SLC52A1: variants seen among roughly 807,000 people sequenced by gnomAD.
SLC52A1 encodes solute carrier family 52, riboflavin transporter, member 1.
Under a neutral mutation model 23.2 loss-of-function variants are expected in SLC52A1, and 20 were observed. The ratio of observed to expected loss-of-function variants is 0.86; its 90% CI spans 0.61 to 1.25. The LOEUF is 1.25. SLC52A1 is among the 50% of genes most tolerant of loss of function. SLC52A1 has a pLI of 0.00. For missense variants in SLC52A1, 528 were observed against 557.0 expected (o/e 0.95, Z 0.52); for synonymous variants, 260 against 256.6 (o/e 1.01, Z -0.13).
rs781402171 is a variant in SLC52A1 at position 5,033,801 on chromosome 17, C to T, written c.688G>A (p.Gly230Arg). The T allele has an allele frequency of 6.2e-7, 1 of 1,614,256 alleles. No homozygotes were observed. The highest frequency in any genetic ancestry group is 1.1e-5 in the South Asian group (1 of 91,090). The change falls in exon 3 of 5, where the codon GGG becomes AGG. Residue 230 changes from glycine (G) to arginine (R), a missense_variant. Gly to Arg is a moderately radical substitution (Grantham distance 125). Transcript: ENST00000254853. ...GGGGATCCCAGTTGAAGTTCAGGCC[C>T]TGAGCCCCCTGTGGTTACAGAGGGT... is the stretch of plus-strand genomic sequence containing the variant. ...SLPSVTTGGS[G>R]PELQLGSPGA...
chr17:5,037,098 A>G (rs2143447352), upstream of SLC52A1, among the ~76,000 whole-genome samples: 1 of 152,304 alleles, frequency 6.6e-6, no homozygotes, highest in Admixed American at 6.5e-5. Context: ...GCAATGAGCC[A>G]TGATTGTGCC....
In SLC52A1 at chr17:5,033,501, G is replaced by T. The variant is rs1180776216; in HGVS notation, c.988C>A (p.Leu330Met). ...CACCTGCACAGCACGCCCATGGCCA[G>T]GAAGCAGGCAAGGGGGTTGGCGGCA... The part of the protein sequence containing the change: ...GSAANPLACF[L>M]AMGVLCRSLA... The change falls in exon 3 of 5, where the codon CTG (leucine) becomes ATG (methionine). Residue 330 changes from leucine to methionine, a missense_variant. Physicochemically the swap from Leu to Met is conservative, Grantham distance 15. Coordinates refer to ENST00000254853, the MANE Select transcript of SLC52A1 (RefSeq NM_017986.4). 1 of 1,612,452 alleles carries T rather than the reference G, an allele frequency of 6.2e-7. No homozygotes were observed. Among genetic ancestry groups the T allele is most frequent in the African/African-American group, 1.3e-5 (1 of 75,040 alleles).
upstream of SLC52A1, among the ~76,000 whole-genome samples, chr17:5,038,851 C>G (rs899647153): frequency 1.3e-5 from 2 of 151,946 alleles, no homozygotes; most frequent in African/African-American, 4.8e-5. Flanking sequence ...GCCTCCCAAA[C>G]TGTTGCGATT....
intron 1 of SLC52A1, among the ~76,000 whole-genome samples, chr17:5,040,969 G>A (rs1432603173): frequency 6.6e-6 from 1 of 151,300 alleles, no homozygotes; most frequent in African/African-American, 2.4e-5. Context: ...CTAATTTTTT[G>A]TATTTTTAGT....
At chr17:5,040,496 G>A (rs1230076073) in intron 1 of SLC52A1, among the ~76,000 whole-genome samples, 1 of 152,116 alleles carries the variant, frequency 6.6e-6, no homozygotes, top group African/African-American at 2.4e-5. Context: ...TGCGTGGGGT[G>A]AGAGGACTAA....
chr17:5,039,323 T>TA (rs1266960382), upstream of SLC52A1, among the ~76,000 whole-genome samples: 458 of 136,304 alleles, frequency 3.4e-3, 1 homozygote, highest in Admixed American at 6.2e-3. Flanking sequence ...ACTCCATCTC[T>TA]AAAAAAAAAA....
intron 1 of SLC52A1, 36 bp from the exon 2 acceptor site, chr17:5,034,749 T>G: frequency 9.1e-7 from 1 of 1,098,206 alleles, no homozygotes; most frequent in Non-Finnish European, 1.2e-6. Context: ...GGTAATAGGC[T>G]GGTGGGACAG....
chr17:5,034,331 A>C lies in SLC52A1; in HGVS notation c.158T>G (p.Val53Gly). 6.3e-7 allele frequency: 1 copy of C among 1,587,122 alleles called. No homozygotes were observed. The highest frequency in any genetic ancestry group is 1.2e-5 in the South Asian group (1 of 86,498). The change falls in exon 3 of 5, where the codon GTG becomes GGG. Residue 53 changes from valine to glycine, a missense_variant. Val to Gly is a moderately radical substitution (Grantham distance 109). Transcript: ENST00000254853. ...EGWSLPSYLS[V>G]VVALGNLGLL... is the part of the protein sequence containing the mutation. Reference sequence around the variant, plus strand: ...ACCCAGGTTTCCCAGCGCCACAACCACAGAGAGGTATGAGGGGAGGCTCCA... The same window carrying C: ...ACCCAGGTTTCCCAGCGCCACAACCCCAGAGAGGTATGAGGGGAGGCTCCA...
In SLC52A1 at chr17:5,034,308, C is replaced by G. The variant is rs749566277; in HGVS notation, c.181G>C (p.Gly61Arg). The G allele has an allele frequency of 2.5e-6, 4 of 1,593,774 alleles. No homozygotes were observed. The highest frequency in any genetic ancestry group is 3.4e-6 in the Non-Finnish European group (4 of 1,170,198). Reference protein sequence around the residue: ...LSVVVALGNLGLLVVTLWRQL... With the variant: ...LSVVVALGNLRLLVVTLWRQL... The stretch of plus-strand genomic sequence containing the variant: ...CTCCACAGGGTCACCACCAGCAGAC[C>G]CAGGTTTCCCAGCGCCACAACCACA... The change falls in exon 3 of 5, where the codon GGT becomes CGT. Residue 61 changes from glycine to arginine, a missense_variant. By Grantham distance (125) the Gly-to-Arg change is moderately radical. Coordinates refer to ENST00000254853, the MANE Select transcript of SLC52A1 (RefSeq NM_017986.4).
At chr17:5,041,463 CTTTGT>C (rs990010701) in intron 1 of SLC52A1, among the ~76,000 whole-genome samples, 26 of 146,824 alleles carry the variant, frequency 1.8e-4, no homozygotes, top group Admixed American at 3.4e-4. Context: ...TTTTTTGTTT[CTTTGT>C]TTTGTTTTAT....
At position 5,034,666 on chromosome 17, in the gene SLC52A1, G is replaced by C; in HGVS notation, c.-60C>G. On this transcript the variant is annotated 5_prime_UTR_variant, in exon 2 of 5. Coordinates refer to ENST00000254853, the MANE Select transcript of SLC52A1 (RefSeq NM_017986.4). Reference sequence around the variant, plus strand: ...AGGTCACAGGCAGGTCCTTCCCTAGGTAGGTCCAAAGATGCTTTGGTTCTT... The same window carrying C: ...AGGTCACAGGCAGGTCCTTCCCTAGCTAGGTCCAAAGATGCTTTGGTTCTT... The C allele has an allele frequency of 6.2e-7, 1 of 1,600,422 alleles. No individual in the cohort carries two copies. Among genetic ancestry groups the C allele is most frequent in the Non-Finnish European group, 8.5e-7 (1 of 1,173,874 alleles).
chr17:5,037,102 T>C (rs536689795), upstream of SLC52A1, among the ~76,000 whole-genome samples: 4 of 152,250 alleles, frequency 2.6e-5, no homozygotes, highest in African/African-American at 9.6e-5. Context: ...TGAGCCATGA[T>C]TGTGCCAATG....
At chr17:5,038,744 A>G (rs965123190), upstream of SLC52A1, among the ~76,000 whole-genome samples, 112 of 151,232 alleles carry the variant, frequency 7.4e-4, no homozygotes, top group African/African-American at 1.6e-3. Context: ...CCACCACCAC[A>G]CCCGGCTAAT....
At chr17:5,039,534 T>C (rs1975520325), upstream of SLC52A1, among the ~76,000 whole-genome samples, 1 of 150,714 alleles carries the variant, frequency 6.6e-6, no homozygotes, top group Non-Finnish European at 1.5e-5. Flanking sequence ...GTGCAGTGTG[T>C]GATCTCGGCT....
chr17:5,042,173 G>A (rs1351397092), intron 1 of SLC52A1, among the ~76,000 whole-genome samples: 1 of 152,192 alleles, frequency 6.6e-6, no homozygotes, highest in African/African-American at 2.4e-5. Flanking sequence ...GATAGGGAGA[G>A]GGCGCACACA....
chr17:5,040,488 C>T (rs889136550), intron 1 of SLC52A1, among the ~76,000 whole-genome samples: 1 of 152,016 alleles, frequency 6.6e-6, no homozygotes, highest in African/African-American at 2.4e-5. Flanking sequence ...TTTGTTCTTG[C>T]GTGGGGTGAG....
chr17:5,039,052 T>C (rs1242715077), upstream of SLC52A1, among the ~76,000 whole-genome samples: 1 of 198 alleles, frequency 5.1e-3, no homozygotes, highest in Non-Finnish European at 0.011. Context: ...CCGGGCGCGG[T>C]GGCCTCATGC....
At chr17:5,041,459 GTTTC>G (rs1291313983) in intron 1 of SLC52A1, among the ~76,000 whole-genome samples, 1 of 148,126 alleles carries the variant, frequency 6.8e-6, no homozygotes, top group Non-Finnish European at 1.5e-5. Flanking sequence ...ATTTTTTTTT[GTTTC>G]TTTGTTTTGT....
Position 5,034,334 on chromosome 17 carries a change from G to A in SLC52A1, c.155C>T (p.Ser52Phe), listed in dbSNP as rs761583604. The change falls in exon 3 of 5, where the codon TCT becomes TTT. Residue 52 changes from serine (S) to phenylalanine (F), a missense_variant. Transcript: ENST00000254853. ...PEGWSLPSYL[S>F]VVVALGNLGL... ...CAGGTTTCCCAGCGCCACAACCACA[G>A]AGAGGTATGAGGGGAGGCTCCAACC... 12 of 1,586,044 alleles carry A rather than the reference G, an allele frequency of 7.6e-6. No homozygotes were observed. The Admixed American group carries it at 8.8e-5, about 12-fold the overall frequency.
Sources: allele counts gnomAD v4.1 joint callset (sites outside exome capture counted in the v4.1 genomes callset), GRCh38; gene constraint gnomAD v4.1.1; transcripts MANE v1.5; gene names NCBI Gene and HGNC (gene_info 2026-07-23, HGNC 2026-07-21).